MBOAT2: variants seen among roughly 807,000 people sequenced by gnomAD.
The protein encoded by MBOAT2 is membrane-bound glycerophospholipid O-acyltransferase 2.
MBOAT2 carries 28 observed loss-of-function variants against 63.4 expected under a neutral mutation model. The ratio of observed to expected loss-of-function variants is 0.44; its 90% CI spans 0.33 to 0.61. The LOEUF is 0.61. MBOAT2 is among the 20% of genes least tolerant of loss of function. MBOAT2 has a pLI of 0.03. For synonymous variants in MBOAT2, 211 were observed against 215.6 expected (o/e 0.98, Z 0.19); for missense variants, 470 against 605.8 (o/e 0.78, Z 2.35).
chr2:8,861,862 G>A (rs777821039), intron 11 of MBOAT2, among the ~76,000 whole-genome samples: 7 of 152,048 alleles, frequency 4.6e-5, no homozygotes, highest in Admixed American at 6.5e-5. Context: ...ACAAACTACT[G>A]GAAGCTACCC....
intron 9 of MBOAT2, among the ~76,000 whole-genome samples, chr2:8,865,101 C>T (rs564905763): frequency 3.3e-5 from 5 of 152,206 alleles, no homozygotes; most frequent in Admixed American, 6.5e-5. Context: ...TTCTCCACCA[C>T]GACTGAGCCC....
At chr2:8,943,289 G>A (rs1395294863) in intron 2 of MBOAT2, 25 bp from the exon 3 acceptor site, 4 of 1,405,370 alleles carry the variant, frequency 2.8e-6, no homozygotes, top group Middle Eastern at 1.9e-4. Flanking sequence ...AGCACTATTA[G>A]AAGAGGGATG....
rs115709992 is a variant in MBOAT2, at chr2:8,867,047, A to C, written c.987+1399T>G. On this transcript the variant is annotated intron_variant, in intron 9 of 12. Coordinates refer to ENST00000305997, the MANE Select transcript of MBOAT2 (RefSeq NM_138799.4). Reference sequence around the variant, plus strand: ...GGAATGATCCTTTTCGCAGGCTAGCAAAACAATGGTTTTCTTTTTTTTTTG... The same window carrying C: ...GGAATGATCCTTTTCGCAGGCTAGCCAAACAATGGTTTTCTTTTTTTTTTG... Among the ~76,000 whole-genome samples, 384 of 152,230 alleles carry C rather than the reference A, an allele frequency of 2.5e-3. 4 individuals carry two copies. The highest frequency in any genetic ancestry group is 8.9e-3 in the African/African-American group (368 of 41,532).
chr2:8,981,401 CA>C (rs769403519), intron 1 of MBOAT2, among the ~76,000 whole-genome samples: 14 of 152,154 alleles, frequency 9.2e-5, no homozygotes, highest in Non-Finnish European at 7.4e-5. Context: ...TTTCAGCCAT[CA>C]AATATGTCTG....
intron 4 of MBOAT2, among the ~76,000 whole-genome samples, chr2:8,895,688 C>T (rs1334715008): frequency 6.6e-6 from 1 of 152,200 alleles, no homozygotes; most frequent in African/African-American, 2.4e-5. Context: ...GATGACCGCT[C>T]TAGCTACTTC....
chr2:8,866,981 C>G (rs920989923), intron 9 of MBOAT2, among the ~76,000 whole-genome samples: 1 of 152,174 alleles, frequency 6.6e-6, no homozygotes, highest in African/African-American at 2.4e-5. Context: ...AGCTTGGCCT[C>G]TTCACCTCAA....
chr2:8,893,324 G>C (rs1664156990), intron 4 of MBOAT2, among the ~76,000 whole-genome samples: 1 of 152,186 alleles, frequency 6.6e-6, no homozygotes, highest in African/African-American at 2.4e-5. Context: ...GCAGCTTCAG[G>C]CACGCTTGGC....
intron 8 of MBOAT2, among the ~76,000 whole-genome samples, chr2:8,869,208 ATTTTT>A (rs750568440): frequency 8.0e-6 from 1 of 124,954 alleles, no homozygotes; most frequent in South Asian, 2.6e-4. Flanking sequence ...CATCATGCCT[ATTTTT>A]TTTTTTTTTT....
At chr2:8,877,710 T>C (rs1174478257) in intron 6 of MBOAT2, among the ~76,000 whole-genome samples, 1 of 152,188 alleles carries the variant, frequency 6.6e-6, no homozygotes, top group Non-Finnish European at 1.5e-5. Flanking sequence ...TCTTTTATTC[T>C]ATTAAGAAGT....
At chr2:8,901,715 C>G (rs1450593150) in intron 4 of MBOAT2, among the ~76,000 whole-genome samples, 1 of 152,162 alleles carries the variant, frequency 6.6e-6, no homozygotes, top group Non-Finnish European at 1.5e-5. Flanking sequence ...GATAGTCCCC[C>G]CTACGATGGG....
intron 6 of MBOAT2, 29 bp downstream of exon 6, chr2:8,882,482 A>G (rs753084673): frequency 1.2e-5 from 19 of 1,612,914 alleles, no homozygotes; most frequent in Non-Finnish European, 1.6e-5. Context: ...CGCAGGAAGC[A>G]TGGCAGAATA....
intron 3 of MBOAT2, among the ~76,000 whole-genome samples, chr2:8,930,981 T>C (rs1392751392): frequency 1.3e-5 from 2 of 152,190 alleles, no homozygotes; most frequent in Non-Finnish European, 2.9e-5. Flanking sequence ...GTCTGCTCCA[T>C]GTCTCTCTTT....
intron 4 of MBOAT2, among the ~76,000 whole-genome samples, chr2:8,892,842 G>C (rs1441333594): frequency 6.6e-6 from 1 of 152,118 alleles, no homozygotes; most frequent in Non-Finnish European, 1.5e-5. Context: ...TGGAGGATCA[G>C]TACGGAGGCC....
intron 4 of MBOAT2, among the ~76,000 whole-genome samples, chr2:8,891,443 G>T (rs950170717): frequency 6.6e-6 from 1 of 152,194 alleles, no homozygotes; most frequent in Non-Finnish European, 1.5e-5. Context: ...CCCTTCCGCA[G>T]CAGGAACGAC....
At chr2:8,938,584 TGCCGTGTTTCATGCC>T (rs1196479551) in intron 3 of MBOAT2, among the ~76,000 whole-genome samples, 1 of 151,622 alleles carries the variant, frequency 6.6e-6, no homozygotes, top group Non-Finnish European at 1.5e-5. Context: ...CCACATTTCA[TGCCGTGTTTCATGCC>T]ACCGTGTTTC....
At chr2:8,977,679 T>A (rs1225912399) in intron 1 of MBOAT2, among the ~76,000 whole-genome samples, 1 of 152,176 alleles carries the variant, frequency 6.6e-6, no homozygotes, top group Admixed American at 6.6e-5. Flanking sequence ...ACCTCTCTGA[T>A]GAACTTCAGA....
intron 6 of MBOAT2, 45 bp from the exon 7 acceptor site, chr2:8,877,258 CA>C: frequency 6.5e-7 from 1 of 1,548,588 alleles, no homozygotes; most frequent in Admixed American, 1.9e-5. Flanking sequence ...GCATAAGCTT[CA>C]GAACATCTGA....
At chr2:8,918,636 G>A (rs533036425) in intron 3 of MBOAT2, among the ~76,000 whole-genome samples, 5 of 152,296 alleles carry the variant, frequency 3.3e-5, no homozygotes, top group Admixed American at 3.3e-4. Flanking sequence ...TAGAACAGGT[G>A]TGCCCATATT....
chr2:8,879,579 T>G (rs1474899986), intron 6 of MBOAT2, among the ~76,000 whole-genome samples: 1 of 152,204 alleles, frequency 6.6e-6, no homozygotes, highest in Non-Finnish European at 1.5e-5. Context: ...GTGTACAGAA[T>G]TATTGACACT....
Sources: gnomAD v4.1 joint callset for allele counts (sites outside exome capture counted in the v4.1 genomes callset) on GRCh38, gnomAD v4.1.1 for gene constraint, MANE v1.5 for transcripts, NCBI Gene and HGNC (gene_info 2026-07-23, HGNC 2026-07-21) for gene names.